The following BANK1 variants were observed in gnomAD, a reference collection of about 807,000 sequenced individuals.
BANK1 encodes the protein B-cell scaffold protein with ankyrin repeats.
Under a neutral mutation model 94.5 loss-of-function variants are expected in BANK1, and 95 were observed. The observed-to-expected ratio is 1.00, with a 90% CI of 0.85 to 1.19. The LOEUF (loss-of-function observed/expected upper bound fraction) is 1.19, where lower values mean the gene tolerates loss of function less well. Ranked by LOEUF, BANK1 falls within the 50% of genes most tolerant of loss-of-function variation. BANK1 has a pLI of 0.00. For missense variants in BANK1, 987 were observed against 932.2 expected (o/e 1.06, Z -0.77); for synonymous variants, 334 against 308.4 (o/e 1.08, Z -0.87).
intron 7 of BANK1, among the ~76,000 whole-genome samples, chr4:101,961,813 A>G (rs1316857550): frequency 6.6e-6 from 1 of 152,140 alleles, no homozygotes; most frequent in Non-Finnish European, 1.5e-5. Context: ...CTTACCCTTC[A>G]TCTCTCAACT....
intron 8 of BANK1, among the ~76,000 whole-genome samples, chr4:102,022,860 A>G (rs1248419503): frequency 1.3e-5 from 2 of 152,160 alleles, no homozygotes; most frequent in Non-Finnish European, 2.9e-5. Flanking sequence ...TCACAAACCA[A>G]TAATGTGCCT....
chr4:102,016,073 G>A (rs937632730), intron 7 of BANK1, among the ~76,000 whole-genome samples: 3 of 152,100 alleles, frequency 2.0e-5, no homozygotes, highest in Admixed American at 6.6e-5. Context: ...CCCATTGGCC[G>A]CTAATATTTC....
chr4:101,822,819 G>A lies in BANK1; in HGVS notation c.71-6989G>A, dbSNP rs369474353. Among the ~76,000 whole-genome samples, 500 of 152,016 alleles carry A rather than the reference G, an allele frequency of 3.3e-3. 3 individuals are homozygous for A. The highest frequency in any genetic ancestry group is 0.011 in the African/African-American group (475 of 41,488). Reference sequence around the variant, plus strand: ...TTTAGTAGAGGCGGGGTTTCGCCACGTTAGCCAGGCTGGTCTCAATCTCCT... The same window carrying A: ...TTTAGTAGAGGCGGGGTTTCGCCACATTAGCCAGGCTGGTCTCAATCTCCT... On this transcript the variant is annotated intron_variant, in intron 1 of 16. Coordinates refer to ENST00000322953, the MANE Select transcript of BANK1 (RefSeq NM_017935.5).
Position 101,808,096 on chromosome 4 carries a change from A to AAAT in BANK1, c.70+17146_70+17147insAAT, listed in dbSNP as rs35828857. Among the ~76,000 whole-genome samples, 753 of 149,646 alleles carry AAAT rather than the reference A, an allele frequency of 5.0e-3. 10 individuals are homozygous for AAAT. The highest frequency in any genetic ancestry group is 0.017 in the African/African-American group (695 of 40,728). On this transcript the variant is annotated intron_variant, in intron 1 of 16. Transcript: ENST00000322953. ...AGCAAGACTCTCAAAAAAAAAAAAA[A>AAAT]GAAATGAAATTTAAAAAAATAAAAA...
At position 101,895,328 on chromosome 4, in the gene BANK1, T is replaced by C; in HGVS notation, c.927T>C (p.Gly309=). ...LCQNSIEELD[G]VLTSIFKHEI... is the part of the protein sequence containing the mutation. ...AGAATAGCATTGAAGAACTTGATGG[T>C]GTCCTTACATCCATATTCAAACATG... The change falls in exon 6 of 17, where the codon GGT becomes GGC. Residue 309 remains glycine, a synonymous_variant. Coordinates refer to ENST00000322953, the MANE Select transcript of BANK1 (RefSeq NM_017935.5). The C allele has an allele frequency of 1.9e-6, 3 of 1,586,438 alleles. No homozygotes were observed. Among genetic ancestry groups the C allele is most frequent in the Non-Finnish European group, 2.6e-6 (3 of 1,165,968 alleles).
chr4:101,953,275 A>C (rs994961897), intron 7 of BANK1, among the ~76,000 whole-genome samples: 1 of 152,112 alleles, frequency 6.6e-6, no homozygotes, highest in Non-Finnish European at 1.5e-5. Flanking sequence ...AATGTTCCCA[A>C]CTGTTTTTTC....
At chr4:102,073,952 T>C (rs1728839907) in intron 16 of BANK1, 53 bp from the exon 17 acceptor site, 1 of 412,746 alleles carries the variant, frequency 2.4e-6, no homozygotes, top group Admixed American at 4.4e-5. Flanking sequence ...ATTAATCAAT[T>C]TAAATTGATG....
At chr4:102,011,746 G>A (rs1373545422) in intron 7 of BANK1, among the ~76,000 whole-genome samples, 2 of 152,024 alleles carry the variant, frequency 1.3e-5, no homozygotes, top group Non-Finnish European at 2.9e-5. Context: ...TAAATACACT[G>A]CAAATTTATA....
At chr4:101,881,299 G>A (rs182475295) in intron 5 of BANK1, among the ~76,000 whole-genome samples, 16 of 151,902 alleles carry the variant, frequency 1.1e-4, no homozygotes, top group African/African-American at 1.9e-4. Context: ...AAAAGAAGAC[G>A]TACAGATGGC....
At chr4:102,066,447 C>T (rs1396901829) in intron 13 of BANK1, among the ~76,000 whole-genome samples, 3 of 151,928 alleles carry the variant, frequency 2.0e-5, no homozygotes, top group Non-Finnish European at 4.4e-5. Flanking sequence ...TTAGTAGAGA[C>T]GGGGTTTCAC....
At chr4:101,815,997 T>C (rs1725901086) in intron 1 of BANK1, among the ~76,000 whole-genome samples, 1 of 152,216 alleles carries the variant, frequency 6.6e-6, no homozygotes, top group South Asian at 2.1e-4. Flanking sequence ...TATATGTTTT[T>C]TCCTTGAAAT....
At position 101,933,312 on chromosome 4, in the gene BANK1, GA is replaced by G. The variant is rs35218054; in HGVS notation, c.1206+15139del. Among the ~76,000 whole-genome samples the G allele has an allele frequency of 8.9e-3, 942 of 105,730 alleles. 9 individuals carry two copies. Among genetic ancestry groups the G allele is most frequent in the East Asian group, 0.032 (120 of 3,788 alleles). The allele number at this position is 105,730 out of a possible 152,430, so 69.4% of individuals were successfully genotyped here. The stretch of plus-strand genomic sequence containing the variant: ...CACCAGAGAGACCGGTAAGAAAGGA[GA>G]AAAAAAAAAAAAAAAGCTAAGCATG... On this transcript the variant is annotated intron_variant, in intron 7 of 16. Transcript: ENST00000322953.
At chr4:101,927,509 C>G (rs1326599563) in intron 7 of BANK1, among the ~76,000 whole-genome samples, 4 of 151,596 alleles carry the variant, frequency 2.6e-5, no homozygotes, top group Admixed American at 1.3e-4. Flanking sequence ...TAAGACCTGA[C>G]TGGCAACTAC....
intron 5 of BANK1, among the ~76,000 whole-genome samples, chr4:101,877,531 G>C (rs566516520): frequency 3.3e-5 from 5 of 152,094 alleles, no homozygotes; most frequent in Non-Finnish European, 7.4e-5. Context: ...TTTAAAAGCA[G>C]GGGATGAACT....
At chr4:101,802,187 G>T (rs1241215513) in intron 1 of BANK1, among the ~76,000 whole-genome samples, 1 of 152,240 alleles carries the variant, frequency 6.6e-6, no homozygotes, top group South Asian at 2.1e-4. Flanking sequence ...AAAGGACCAC[G>T]CCCTTCCCAG....
intron 7 of BANK1, among the ~76,000 whole-genome samples, chr4:102,007,156 A>ATATATATATAATATATTT (rs1726332753): frequency 8.7e-6 from 1 of 114,742 alleles, no homozygotes; most frequent in African/African-American, 3.3e-5. Flanking sequence ...TTATATATAT[A>ATATATATATAATATATTT]TATATATATA....
At chr4:102,033,129 G>A (rs888535116) in intron 10 of BANK1, among the ~76,000 whole-genome samples, 12 of 152,224 alleles carry the variant, frequency 7.9e-5, no homozygotes, top group East Asian at 1.9e-4. Flanking sequence ...ATTAGAATGC[G>A]GGAAAAAGAC....
At chr4:102,043,660 A>G (rs981112531) in intron 10 of BANK1, among the ~76,000 whole-genome samples, 179 bp from the exon 11 acceptor site, 10 of 152,064 alleles carry the variant, frequency 6.6e-5, no homozygotes, top group Admixed American at 3.3e-4. Context: ...GAAATGACTG[A>G]TAAGCTGCAC....
rs545212889 is a variant in BANK1, at chr4:101,868,037, G to C, written c.764-2468G>C. ...CAGAGATTGCCAGAATGGATAACAA[G>C]CAAGACCCAATAATATGTTGTCTAT... On this transcript the variant is annotated intron_variant, in intron 4 of 16. Coordinates refer to ENST00000322953, the MANE Select transcript of BANK1 (RefSeq NM_017935.5). Among the ~76,000 whole-genome samples the C allele has an allele frequency of 3.0e-4, 46 of 151,896 alleles. No homozygotes were observed. In the East Asian group the frequency reaches 8.9e-3, roughly 29 times the overall value.
Sources: allele counts gnomAD v4.1 joint callset (sites outside exome capture counted in the v4.1 genomes callset), GRCh38; gene constraint gnomAD v4.1.1; transcripts MANE v1.5; gene names NCBI Gene and HGNC (gene_info 2026-07-23, HGNC 2026-07-21).